SLC2A13: variants seen among roughly 807,000 people sequenced by gnomAD.
The protein encoded by SLC2A13 is solute carrier family 2 member 13.
In SLC2A13, 32 loss-of-function variants were observed where a neutral mutation model predicts 64.4. That is an observed-to-expected ratio of 0.50 (90% CI 0.37 to 0.67). SLC2A13 has a LOEUF of 0.67. Ranked by LOEUF, SLC2A13 falls within the 30% of genes least tolerant of loss-of-function variation. SLC2A13 has a pLI of 0.00. For missense variants in SLC2A13, 743 were observed against 829.2 expected (o/e 0.90, Z 1.28); for synonymous variants, 338 against 327.1 (o/e 1.03, Z -0.36).
intron 1 of SLC2A13, among the ~76,000 whole-genome samples, chr12:40,076,434 A>C (rs1233412731): frequency 6.6e-6 from 1 of 152,146 alleles, no homozygotes; most frequent in Non-Finnish European, 1.5e-5. Context: ...TCTTGCATTA[A>C]TTCACATTGG....
intron 7 of SLC2A13, among the ~76,000 whole-genome samples, chr12:39,826,602 G>GA (rs1198543490): frequency 4.1e-5 from 6 of 147,834 alleles, no homozygotes; most frequent in Non-Finnish European, 8.9e-5. Flanking sequence ...ATTTCTTTCT[G>GA]AAAAAAAATA....
chr12:39,997,644 C>A (rs916930766), intron 3 of SLC2A13, among the ~76,000 whole-genome samples: 16 of 152,194 alleles, frequency 1.1e-4, no homozygotes, highest in African/African-American at 3.9e-4. Context: ...TCCTGGCTAA[C>A]ATGGTGAAAC....
chr12:39,905,983 A>G (rs548822875), intron 4 of SLC2A13, among the ~76,000 whole-genome samples: 56 of 151,986 alleles, frequency 3.7e-4, no homozygotes, highest in Admixed American at 3.3e-3. Context: ...TTGTTTCCCT[A>G]TTGAAATATA....
chr12:40,046,807 G>A (rs1314207632), intron 2 of SLC2A13, among the ~76,000 whole-genome samples: 2 of 151,962 alleles, frequency 1.3e-5, no homozygotes, highest in Non-Finnish European at 2.9e-5. Context: ...CACCCATTTA[G>A]GTCTTTAATG....
chr12:39,992,829 C>T (rs1947159918), intron 3 of SLC2A13, among the ~76,000 whole-genome samples: 1 of 151,846 alleles, frequency 6.6e-6, no homozygotes, highest in Non-Finnish European at 1.5e-5. Flanking sequence ...TTCTATTTTC[C>T]AAATGTGTTA....
At chr12:39,948,825 T>A (rs1017687099) in intron 4 of SLC2A13, among the ~76,000 whole-genome samples, 2 of 152,170 alleles carry the variant, frequency 1.3e-5, no homozygotes, top group Non-Finnish European at 2.9e-5. Context: ...TAATAAAATA[T>A]CCATAGAAAA....
intron 7 of SLC2A13, among the ~76,000 whole-genome samples, chr12:39,786,167 T>C (rs1941178046): frequency 6.6e-6 from 1 of 152,178 alleles, no homozygotes; most frequent in Admixed American, 6.5e-5. Flanking sequence ...AAATCTCAAC[T>C]TGAGGTATAT....
At chr12:40,098,105 TTATATGTGTGTGTA>T (rs976276076) in intron 1 of SLC2A13, among the ~76,000 whole-genome samples, 20 of 151,808 alleles carry the variant, frequency 1.3e-4, no homozygotes, top group African/African-American at 4.8e-4. Context: ...GTATTTATTT[TTATATGTGTGTGTA>T]TATATAGGTG....
chr12:39,797,739 C>CACACACACACACAT (rs1941625507), intron 7 of SLC2A13, among the ~76,000 whole-genome samples: 1 of 29,734 alleles, frequency 3.4e-5, no homozygotes, highest in African/African-American at 7.4e-5. Flanking sequence ...CACACACACA[C>CACACACACACACAT]ACACACACAC....
Position 40,025,320 on chromosome 12 carries a change from T to A in SLC2A13, c.925+2981A>T, listed in dbSNP as rs143111214. On this transcript the variant is annotated intron_variant, in intron 3 of 9. Transcript: ENST00000280871. ...AGAAAAATGCTCTAGGCACTAACAATCTCACACATCCAAAAAATAAATTAA... is the reference window on the plus strand; with the variant it reads ...AGAAAAATGCTCTAGGCACTAACAAACTCACACATCCAAAAAATAAATTAA... Among the ~76,000 whole-genome samples the A allele has an allele frequency of 5.1e-4, 77 of 152,258 alleles. 1 individual carries two copies. The highest frequency in any genetic ancestry group is 1.8e-3 in the African/African-American group (74 of 41,546).
At chr12:39,981,020 T>C (rs1946883043) in intron 3 of SLC2A13, among the ~76,000 whole-genome samples, 2 of 151,730 alleles carry the variant, frequency 1.3e-5, no homozygotes, top group African/African-American at 4.8e-5. Flanking sequence ...ATTAAGAATC[T>C]CACTCAAAGC....
At position 39,849,119 on chromosome 12, in the gene SLC2A13, T is replaced by A. The variant is rs748550810; in HGVS notation, c.1319+15643A>T. Among the ~76,000 whole-genome samples the A allele has an allele frequency of 2.0e-5, 3 of 152,082 alleles. No individual in the cohort carries two copies. In the South Asian group the frequency reaches 6.2e-4, roughly 31 times the overall value. On this transcript the variant is annotated intron_variant, in intron 6 of 9. Transcript: ENST00000280871. ...TGTAATAATATGTACAACAAGCCCC[T>A]GTGACATGTTTGTCTATATAACAAA...
intron 7 of SLC2A13, among the ~76,000 whole-genome samples, chr12:39,818,610 C>G (rs1942404637): frequency 6.6e-6 from 1 of 152,132 alleles, no homozygotes; most frequent in African/African-American, 2.4e-5. Context: ...TTGTAATCAC[C>G]TTTGAAATTC....
chr12:40,005,918 C>A (rs1027626517), intron 3 of SLC2A13, among the ~76,000 whole-genome samples: 5 of 152,186 alleles, frequency 3.3e-5, no homozygotes, highest in Admixed American at 2.6e-4. Flanking sequence ...CAACGTAAGG[C>A]CCTACCTCAG....
At position 40,105,310 on chromosome 12, in the gene SLC2A13, C is replaced by T; in HGVS notation, c.499G>A (p.Ala167Thr). 2 of 1,601,740 alleles carry T rather than the reference C, an allele frequency of 1.2e-6. No individual in the cohort carries two copies. Among genetic ancestry groups the T allele is most frequent in the Non-Finnish European group, 8.5e-7 (1 of 1,175,856 alleles). ...LFTAGSAVLA[A>T]ANNKETLLAG... ...AGCAGTGTCTCCTTGTTGTTGGCCG[C>T]AGCCAGCACCGCGGAGCCGGCGGTG... The change falls in exon 1 of 10, where the codon GCG becomes ACG. Residue 167 changes from alanine to threonine, a missense_variant. Physicochemically the swap from Ala to Thr is moderately conservative, Grantham distance 58 (BLOSUM62 0). Transcript: ENST00000280871. This position sits in a 1 kb window ranked among gnomAD's most constrained non-coding sequence, Gnocchi z 4.2.
intron 6 of SLC2A13, among the ~76,000 whole-genome samples, chr12:39,848,119 TAA>T (rs1286206345): frequency 6.6e-6 from 1 of 151,900 alleles, no homozygotes; most frequent in Non-Finnish European, 1.5e-5. Context: ...TAAGAACAGG[TAA>T]AGATTTCATG....
chr12:40,090,829 T>C (rs571128361), intron 1 of SLC2A13, among the ~76,000 whole-genome samples: 5 of 152,324 alleles, frequency 3.3e-5, no homozygotes, highest in Admixed American at 3.3e-4. Context: ...ATAAAGTCCT[T>C]TAGATTTGTC....
chr12:39,954,802 G>C (rs1184505615), intron 3 of SLC2A13, among the ~76,000 whole-genome samples: 2 of 152,142 alleles, frequency 1.3e-5, no homozygotes, highest in Admixed American at 1.3e-4. Flanking sequence ...AATTCATCAA[G>C]AGAATATAAC....
intron 7 of SLC2A13, among the ~76,000 whole-genome samples, chr12:39,786,121 G>A (rs555578212): frequency 6.6e-6 from 1 of 152,254 alleles, no homozygotes; most frequent in Admixed American, 6.5e-5. Flanking sequence ...GGAGGGGCCA[G>A]GGGCGGAATG....
Sources: gnomAD v4.1 joint callset for allele counts (sites outside exome capture counted in the v4.1 genomes callset) on GRCh38, gnomAD v4.1.1 for gene constraint, Gnocchi (gnomAD v3.1) non-coding constraint, MANE v1.5 for transcripts, NCBI Gene and HGNC (gene_info 2026-07-23, HGNC 2026-07-21) for gene names.